Variants in AMPH observed in about 807,000 individuals in gnomAD.
AMPH encodes the protein amphiphysin (Stiff-Mann syndrome with breast cancer 128kD autoantigen).
AMPH carries 49 observed loss-of-function variants against 99.1 expected under a neutral mutation model. That is an observed-to-expected ratio of 0.49 (90% CI 0.39 to 0.63). The LOEUF is 0.63. AMPH is among the 20% of genes least tolerant of loss of function. The pLI, the probability that AMPH is intolerant of heterozygous loss-of-function variation, is 0.00. For missense variants in AMPH, 759 were observed against 863.4 expected (o/e 0.88, Z 1.52); for synonymous variants, 314 against 317.3 (o/e 0.99, Z 0.11).
intron 11 of AMPH, among the ~76,000 whole-genome samples, chr7:38,456,997 C>T (rs1050065514): frequency 6.6e-6 from 1 of 152,224 alleles, no homozygotes; most frequent in Non-Finnish European, 1.5e-5. Flanking sequence ...ACACTATTTA[C>T]AGCCAAATAA....
intron 17 of AMPH, among the ~76,000 whole-genome samples, chr7:38,397,723 G>T (rs929697838): frequency 1.3e-5 from 2 of 152,086 alleles, no homozygotes; most frequent in Admixed American, 1.3e-4. Flanking sequence ...AAGACAACCT[G>T]CAGAATGGGA....
chr7:38,563,618 T>A (rs1022799101), intron 1 of AMPH, among the ~76,000 whole-genome samples: 1 of 152,226 alleles, frequency 6.6e-6, no homozygotes, highest in African/African-American at 2.4e-5. Flanking sequence ...GATTTACATA[T>A]GATCCATGAC....
intron 11 of AMPH, among the ~76,000 whole-genome samples, chr7:38,453,477 A>C (rs1787111156): frequency 6.6e-6 from 1 of 151,780 alleles, no homozygotes; most frequent in Non-Finnish European, 1.5e-5. Context: ...TTTTCCCATC[A>C]CTCTCACTCA....
intron 1 of AMPH, among the ~76,000 whole-genome samples, chr7:38,539,078 G>A (rs560926858): frequency 2.0e-5 from 3 of 152,290 alleles, no homozygotes; most frequent in African/African-American, 4.8e-5. Context: ...TTTGAAGAAC[G>A]GGCAGAGGAA....
intron 1 of AMPH, among the ~76,000 whole-genome samples, chr7:38,567,021 C>T (rs1791770177): frequency 6.6e-6 from 1 of 152,174 alleles, no homozygotes; most frequent in East Asian, 1.9e-4. Flanking sequence ...CCATTTGACC[C>T]AGCAATCCCA....
At chr7:38,456,780 C>T (rs1787250600) in intron 11 of AMPH, among the ~76,000 whole-genome samples, 1 of 152,180 alleles carries the variant, frequency 6.6e-6, no homozygotes, top group Non-Finnish European at 1.5e-5. Flanking sequence ...CCACCTGGAG[C>T]CCAAGAATCA....
At chr7:38,437,639 A>AAAAAAAAAAAAAAAAAAAAAAG (rs765494380) in intron 11 of AMPH, among the ~76,000 whole-genome samples, 2 of 96,738 alleles carry the variant, frequency 2.1e-5, no homozygotes, top group Non-Finnish European at 3.8e-5. Flanking sequence ...AAAAAAAAAA[A>AAAAAAAAAAAAAAAAAAAAAAG]AAAAGAAAAG....
chr7:38,515,099 G>T (rs1240457249), intron 2 of AMPH, among the ~76,000 whole-genome samples: 2 of 152,140 alleles, frequency 1.3e-5, no homozygotes, highest in Non-Finnish European at 2.9e-5. Context: ...AGGCCATTCT[G>T]GTGATGTCTC....
At chr7:38,394,778 C>T (rs560792064) in intron 17 of AMPH, among the ~76,000 whole-genome samples, 2 of 152,286 alleles carry the variant, frequency 1.3e-5, no homozygotes, top group East Asian at 1.9e-4. Context: ...GTCCCCACTC[C>T]CTCTTTTCAC....
At chr7:38,579,112 T>TGTA (rs1290324217) in intron 1 of AMPH, among the ~76,000 whole-genome samples, 1 of 152,176 alleles carries the variant, frequency 6.6e-6, no homozygotes, top group Non-Finnish European at 1.5e-5. Flanking sequence ...TAGACCAAAC[T>TGTA]GCAAGAACTA....
chr7:38,582,339 G>A lies in AMPH; in HGVS notation c.70-47328C>T, dbSNP rs186173009. ...CCTTGACAGCAGTTTAAGTGCCATG[G>A]TCATGTAGAAAGCCTGACTAGGGTG... On this transcript the variant is annotated intron_variant, in intron 1 of 20. Transcript: ENST00000356264. 1.3e-3 allele frequency among the ~76,000 whole-genome samples: 195 copies of A among 152,274 alleles called. 1 individual carries two copies. The highest frequency in any genetic ancestry group is 1.4e-3 in the Non-Finnish European group (93 of 68,034).
chr7:38,422,763 C>T (rs995021198), intron 15 of AMPH, among the ~76,000 whole-genome samples: 5 of 152,060 alleles, frequency 3.3e-5, no homozygotes, highest in Non-Finnish European at 5.9e-5. Flanking sequence ...GAAGTACAGG[C>T]GCACATCACC....
intron 1 of AMPH, among the ~76,000 whole-genome samples, chr7:38,606,532 A>G (rs1412937127): frequency 1.4e-5 from 2 of 147,992 alleles, no homozygotes; most frequent in Non-Finnish European, 3.0e-5. Context: ...TTCTACATTC[A>G]TCCATACTGT....
chr7:38,609,394 A>C (rs1371319310), intron 1 of AMPH, among the ~76,000 whole-genome samples: 3 of 152,150 alleles, frequency 2.0e-5, no homozygotes, highest in African/African-American at 7.2e-5. Context: ...GCTTGATTAT[A>C]CCTAGAAATC....
intron 2 of AMPH, among the ~76,000 whole-genome samples, chr7:38,506,197 A>G (rs1431704718): frequency 6.6e-6 from 1 of 152,222 alleles, no homozygotes; most frequent in Non-Finnish European, 1.5e-5. Flanking sequence ...AGATGTTGCT[A>G]CCATGGCATA....
chr7:38,602,907 T>C (rs1378265471), intron 1 of AMPH, among the ~76,000 whole-genome samples: 2 of 152,106 alleles, frequency 1.3e-5, no homozygotes, highest in Non-Finnish European at 2.9e-5. Flanking sequence ...AAATTACTGG[T>C]GTATCGTCTT....
intron 2 of AMPH, among the ~76,000 whole-genome samples, chr7:38,504,771 G>C (rs1208033361): frequency 1.3e-5 from 2 of 152,200 alleles, no homozygotes; most frequent in African/African-American, 4.8e-5. Flanking sequence ...GCCAATGCTG[G>C]CACGTCAGTC....
chr7:38,586,535 C>G (rs921916476), intron 1 of AMPH, among the ~76,000 whole-genome samples: 1 of 151,870 alleles, frequency 6.6e-6, no homozygotes, highest in African/African-American at 2.4e-5. Context: ...AGTGAGTTAG[C>G]TCTAAGCAAC....
intron 1 of AMPH, among the ~76,000 whole-genome samples, chr7:38,539,398 C>T (rs960881494): frequency 2.1e-5 from 3 of 141,448 alleles, no homozygotes; most frequent in African/African-American, 8.0e-5. Context: ...CAATACTTGA[C>T]CCTGTTTCTA....
Sources: allele counts gnomAD v4.1 joint callset (sites outside exome capture counted in the v4.1 genomes callset), GRCh38; gene constraint gnomAD v4.1.1; transcripts MANE v1.5; gene names NCBI Gene and HGNC (gene_info 2026-07-23, HGNC 2026-07-21).